RSRC1: variants seen among roughly 807,000 people sequenced by gnomAD.
The protein encoded by RSRC1 is arginine and serine rich coiled-coil 1, also known as serine/Arginine-related protein 53.
RSRC1 carries 39 observed loss-of-function variants against 49.1 expected under a neutral mutation model. That is an observed-to-expected ratio of 0.79 (90% confidence interval 0.61 to 1.04). The LOEUF (loss-of-function observed/expected upper bound fraction) is 1.04. Ranked by LOEUF, RSRC1 falls within the 50% of genes least tolerant of loss-of-function variation. RSRC1 has a pLI of 0.00. For synonymous variants in RSRC1, 143 were observed against 130.8 expected (o/e 1.09, Z -0.63); for missense variants, 388 against 402.4 (o/e 0.96, Z 0.31).
At position 158,122,275 on chromosome 3, in the gene RSRC1, T is replaced by C. The variant is rs777284196; in HGVS notation, c.171T>C (p.Pro57=). 3.2e-6 allele frequency: 5 copies of C among 1,584,108 alleles called. No individual in the cohort carries two copies. The highest frequency in any genetic ancestry group is 4.3e-6 in the Non-Finnish European group (5 of 1,166,310). Residue 57 remains proline, a synonymous_variant, in exon 2 of 10, where the codon CCT becomes CCC. Coordinates refer to ENST00000611884, the MANE Select transcript of RSRC1 (RefSeq NM_001271838.2). ...GATCTTGGTCCAGAGATCTTCAGCCTCGTTCACATTCTTATGATAGAAGGT... is the reference window on the plus strand; with the variant it reads ...GATCTTGGTCCAGAGATCTTCAGCCCCGTTCACATTCTTATGATAGAAGGT... ...KSRSWSRDLQ[P]RSHSYDRRRR...
At chr3:158,173,022 GTATC>G (rs940779073) in intron 3 of RSRC1, among the ~76,000 whole-genome samples, 15 of 151,850 alleles carry the variant, frequency 9.9e-5, no homozygotes, top group African/African-American at 1.9e-4. Context: ...CAGTCGATAT[GTATC>G]TATCTAATTT....
At chr3:158,425,107 C>A (rs1176790965) in intron 6 of RSRC1, among the ~76,000 whole-genome samples, 2 of 151,412 alleles carry the variant, frequency 1.3e-5, no homozygotes, top group Non-Finnish European at 2.9e-5. Flanking sequence ...TTAGTTATTT[C>A]TTGCCTTCTG....
Position 158,458,675 on chromosome 3 carries a change from T to C in RSRC1, c.584-2260T>C, listed in dbSNP as rs536316177. Among the ~76,000 whole-genome samples, 5 of 152,306 alleles carry C rather than the reference T, an allele frequency of 3.3e-5. No individual in the cohort carries two copies. In the South Asian group the frequency reaches 1.0e-3, roughly 32 times the overall value. Reference sequence around the variant, plus strand: ...TAAATGAAGTGCTTAATAGTAGATCTGGTATCCGAACAGGATCATGAATCA... The same window carrying C: ...TAAATGAAGTGCTTAATAGTAGATCCGGTATCCGAACAGGATCATGAATCA... On this transcript the variant is annotated intron_variant, in intron 6 of 9. Coordinates refer to ENST00000611884, the MANE Select transcript of RSRC1 (RefSeq NM_001271838.2).
At chr3:158,309,946 G>A (rs1274062124) in intron 5 of RSRC1, among the ~76,000 whole-genome samples, 1 of 151,474 alleles carries the variant, frequency 6.6e-6, no homozygotes, top group Non-Finnish European at 1.5e-5. Flanking sequence ...AAGATATTTA[G>A]CTACCATGAT....
chr3:158,201,879 T>TTTTTTGTGTTTCTTC (rs1440522727), intron 3 of RSRC1, among the ~76,000 whole-genome samples: 4 of 152,218 alleles, frequency 2.6e-5, no homozygotes, highest in Non-Finnish European at 4.4e-5. Context: ...TTCATATATC[T>TTTTTTGTGTTTCTTC]AGGAATTTTG....
rs1179042914 is a variant in RSRC1 at position 158,399,247 on chromosome 3, C to T, written c.583+44339C>T. Among the ~76,000 whole-genome samples the T allele has an allele frequency of 2.7e-4, 18 of 66,868 alleles. 3 individuals are homozygous for T. Among genetic ancestry groups the T allele is most frequent in the Non-Finnish European group, 4.9e-4 (17 of 34,490 alleles). 43.9% of individuals were successfully genotyped at this position (66,868 alleles called of 152,430 possible). On this transcript the variant is annotated intron_variant, in intron 6 of 9. Coordinates refer to ENST00000611884, the MANE Select transcript of RSRC1 (RefSeq NM_001271838.2). The stretch of plus-strand genomic sequence containing the variant: ...TCGGCTCACTGCAAGCTCCGCCTCC[C>T]GGGTTCACGCCATTCTCCTGCCTCA...
At chr3:158,255,224 C>G (rs1035442690) in intron 4 of RSRC1, among the ~76,000 whole-genome samples, 1 of 152,130 alleles carries the variant, frequency 6.6e-6, no homozygotes, top group Non-Finnish European at 1.5e-5. Flanking sequence ...TTCAATCCAT[C>G]TTGAATTAAT....
intron 7 of RSRC1, among the ~76,000 whole-genome samples, chr3:158,511,969 TG>T (rs1478898439): frequency 1.3e-5 from 2 of 151,212 alleles, no homozygotes; most frequent in Non-Finnish European, 3.0e-5. Flanking sequence ...TTGATGGGGT[TG>T]TTTTTTTCTT....
intron 1 of RSRC1, among the ~76,000 whole-genome samples, chr3:158,113,647 G>GT (rs1309063257): frequency 3.9e-5 from 6 of 152,122 alleles, no homozygotes; most frequent in Non-Finnish European, 8.8e-5. Flanking sequence ...GATTACAGGT[G>GT]TGAGCCACTG....
intron 4 of RSRC1, among the ~76,000 whole-genome samples, chr3:158,289,892 C>T (rs967067864): frequency 6.6e-6 from 1 of 151,688 alleles, no homozygotes; most frequent in African/African-American, 2.4e-5. Flanking sequence ...CTATTGGATA[C>T]TAGCCAAAAT....
intron 5 of RSRC1, among the ~76,000 whole-genome samples, chr3:158,321,817 G>A (rs1450811950): frequency 6.6e-6 from 1 of 151,944 alleles, no homozygotes; most frequent in African/African-American, 2.4e-5. Context: ...TAAAATGTAG[G>A]AGCTTTGTAC....
chr3:158,388,595 A>T (rs770062864), intron 6 of RSRC1, among the ~76,000 whole-genome samples: 2 of 143,516 alleles, frequency 1.4e-5, no homozygotes, highest in Non-Finnish European at 3.0e-5. Flanking sequence ...TGGGGAGCCA[A>T]ATTAGCCGTG....
chr3:158,117,119 C>A (rs1388261939), intron 1 of RSRC1, among the ~76,000 whole-genome samples: 1 of 152,072 alleles, frequency 6.6e-6, no homozygotes, highest in Admixed American at 6.6e-5. Context: ...AAAGGCTAGT[C>A]TCCGTTGTTT....
At chr3:158,186,217 T>C (rs1320939355) in intron 3 of RSRC1, among the ~76,000 whole-genome samples, 1 of 152,022 alleles carries the variant, frequency 6.6e-6, no homozygotes, top group East Asian at 1.9e-4. Flanking sequence ...AGTGCCCACC[T>C]GCTAATTAAA....
At chr3:158,519,138 A>G (rs1400672405) in intron 7 of RSRC1, among the ~76,000 whole-genome samples, 2 of 152,140 alleles carry the variant, frequency 1.3e-5, no homozygotes, top group African/African-American at 4.8e-5. Context: ...CTTGATCCAG[A>G]AAGTTGGAAA....
At chr3:158,267,347 A>G (rs1725247292) in intron 4 of RSRC1, among the ~76,000 whole-genome samples, 1 of 152,086 alleles carries the variant, frequency 6.6e-6, no homozygotes, top group Non-Finnish European at 1.5e-5. Flanking sequence ...GCCAAACTGA[A>G]AAGCTCACTT....
intron 4 of RSRC1, among the ~76,000 whole-genome samples, chr3:158,213,222 C>G (rs1160409302): frequency 4.6e-5 from 7 of 151,764 alleles, no homozygotes; most frequent in African/African-American, 1.7e-4. Flanking sequence ...TGAGTATAGC[C>G]AGATGATAGG....
At chr3:158,215,377 A>G (rs1434470459) in intron 4 of RSRC1, among the ~76,000 whole-genome samples, 2 of 149,480 alleles carry the variant, frequency 1.3e-5, no homozygotes, top group African/African-American at 2.5e-5. Flanking sequence ...CCTGGCCTCT[A>G]GAAGTCCTCC....
chr3:158,183,831 G>A (rs1384907385), intron 3 of RSRC1, among the ~76,000 whole-genome samples: 2 of 152,026 alleles, frequency 1.3e-5, no homozygotes, highest in Non-Finnish European at 2.9e-5. Context: ...GGGGAGGATT[G>A]CTTGAGCCCT....
Sources: allele counts gnomAD v4.1 joint callset (sites outside exome capture counted in the v4.1 genomes callset), GRCh38; gene constraint gnomAD v4.1.1; transcripts MANE v1.5; gene names NCBI Gene and HGNC (gene_info 2026-07-23, HGNC 2026-07-21).